The following C2orf76 variants were observed in gnomAD, a reference collection of about 807,000 sequenced individuals.
C2orf76 encodes chromosome 2 open reading frame 76, also known as UPF0538 protein C2orf76.
A neutral mutation model predicts 16.9 loss-of-function variants in C2orf76; 23 were observed. That is an observed-to-expected ratio of 1.36 (90% CI 0.98 to 1.93). C2orf76 has a LOEUF of 1.93. Among genes scored for constraint, C2orf76 ranks in the 30% most tolerant of loss-of-function variants. C2orf76 has a pLI of 0.00. For missense variants in C2orf76, 152 were observed against 152.6 expected (o/e 1.00, Z 0.02); for synonymous variants, 48 against 52.3 (o/e 0.92, Z 0.35).
intron 1 of C2orf76, among the ~76,000 whole-genome samples, chr2:119,351,362 G>A (rs931382889): frequency 3.3e-5 from 5 of 152,080 alleles, no homozygotes; most frequent in African/African-American, 1.2e-4. Context: ...ATTTTAAATA[G>A]CAGAATCACC....
At chr2:119,330,286 A>T (rs1031992896) in intron 2 of C2orf76, among the ~76,000 whole-genome samples, 3 of 151,556 alleles carry the variant, frequency 2.0e-5, no homozygotes, top group Admixed American at 6.6e-5. Flanking sequence ...CTGAGGCAGG[A>T]GAATCGCTTG....
chr2:119,286,002 C>T, the C2orf76 span, among the ~76,000 whole-genome samples: 15 of 152,008 alleles, frequency 9.9e-5, no homozygotes, highest in East Asian at 2.3e-3. Context: ...CCAAGGCGGG[C>T]GGATCACGAG....
rs192742529 is a variant in C2orf76 at position 119,306,661 on chromosome 2, G to A, written c.305-4113C>T. Reference sequence around the variant, plus strand: ...TTACATGTAAATTTATTACTTAGGGGAATTAGCCCATAAAACTACAATTGC... The same window carrying A: ...TTACATGTAAATTTATTACTTAGGGAAATTAGCCCATAAAACTACAATTGC... On this transcript the variant is annotated intron_variant, in intron 5 of 5. Coordinates refer to ENST00000334816, the MANE Select transcript of C2orf76 (RefSeq NM_001322331.2). Among the ~76,000 whole-genome samples the A allele has an allele frequency of 2.0e-4, 30 of 152,148 alleles. No homozygotes were observed. In the East Asian group the frequency reaches 4.8e-3, roughly 25 times the overall value.
intron 1 of C2orf76, among the ~76,000 whole-genome samples, chr2:119,363,151 G>A (rs527342560): frequency 7.0e-4 from 107 of 152,098 alleles, no homozygotes; most frequent in Non-Finnish European, 9.6e-4. Context: ...TGGGCCAGGC[G>A]ACATGGCTCA....
chr2:119,334,462 G>A (rs896483719), intron 2 of C2orf76, among the ~76,000 whole-genome samples: 3 of 150,780 alleles, frequency 2.0e-5, no homozygotes, highest in Admixed American at 1.3e-4. Flanking sequence ...CGAGGCAGCG[G>A]ACTGCCTGAG....
At chr2:119,285,001 G>A in the C2orf76 span, among the ~76,000 whole-genome samples, 1 of 152,130 alleles carries the variant, frequency 6.6e-6, no homozygotes, top group Non-Finnish European at 1.5e-5. Flanking sequence ...TGTGTTCCAG[G>A]ATTGTGGCGG....
intron 1 of C2orf76, 169 bp downstream of exon 1, chr2:119,366,621 C>G: frequency 2.4e-6 from 1 of 422,498 alleles, no homozygotes; most frequent in Non-Finnish European, 4.7e-6. Flanking sequence ...CCGGCCTCTT[C>G]AGGCCGGGCA....
chr2:119,300,027 C>T (rs1678593108), downstream of C2orf76, among the ~76,000 whole-genome samples: 1 of 152,174 alleles, frequency 6.6e-6, no homozygotes, highest in African/African-American at 2.4e-5. Context: ...CTCAGGTCTC[C>T]ACTGGGAGGC....
intron 2 of C2orf76, among the ~76,000 whole-genome samples, chr2:119,321,664 G>C (rs1305312713): frequency 6.6e-6 from 1 of 152,150 alleles, no homozygotes; most frequent in African/African-American, 2.4e-5. Flanking sequence ...GAGCTACAAT[G>C]CAAGATGAGA....
intron 2 of C2orf76, among the ~76,000 whole-genome samples, chr2:119,335,264 AAAAG>A (rs1048865691): frequency 1.3e-5 from 2 of 152,240 alleles, no homozygotes; most frequent in East Asian, 1.9e-4. Context: ...TACCATAGAA[AAAAG>A]AAAGAAAGAA....
At chr2:119,351,530 C>T (rs972992121) in intron 1 of C2orf76, among the ~76,000 whole-genome samples, 7 of 152,070 alleles carry the variant, frequency 4.6e-5, no homozygotes, top group African/African-American at 1.7e-4. Context: ...GCGGGAGGAT[C>T]ACTTGAGCCC....
At chr2:119,340,630 A>G (rs1013218058) in intron 1 of C2orf76, among the ~76,000 whole-genome samples, 2 of 152,118 alleles carry the variant, frequency 1.3e-5, no homozygotes, top group Non-Finnish European at 2.9e-5. Flanking sequence ...ATTAAATGAG[A>G]TAACATTTTA....
intron 1 of C2orf76, among the ~76,000 whole-genome samples, chr2:119,347,296 A>G (rs1337478377): frequency 6.6e-6 from 1 of 152,230 alleles, no homozygotes; most frequent in African/African-American, 2.4e-5. Context: ...TTTCTTCAAC[A>G]AATGGCATGA....
intron 2 of C2orf76, among the ~76,000 whole-genome samples, chr2:119,329,531 T>C (rs1278509766): frequency 6.6e-6 from 1 of 152,226 alleles, no homozygotes; most frequent in Non-Finnish European, 1.5e-5. Context: ...TGCTATTCTT[T>C]TAAATTTGTT....
intron 1 of C2orf76, among the ~76,000 whole-genome samples, chr2:119,340,865 T>C (rs1040503023): frequency 2.0e-5 from 3 of 151,914 alleles, no homozygotes; most frequent in African/African-American, 7.3e-5. Flanking sequence ...CAATGTTTTT[T>C]TCATGCTTAA....
intron 1 of C2orf76, among the ~76,000 whole-genome samples, chr2:119,364,854 G>A (rs1242184606): frequency 6.6e-6 from 1 of 152,030 alleles, no homozygotes; most frequent in Admixed American, 6.5e-5. Flanking sequence ...CAAAGTGGGA[G>A]AATCCCTTGA....
At chr2:119,305,140 C>T (rs1278512674) in intron 5 of C2orf76, among the ~76,000 whole-genome samples, 2 of 152,180 alleles carry the variant, frequency 1.3e-5, no homozygotes, top group African/African-American at 4.8e-5. Context: ...TTCATCCCTT[C>T]GTCTTACTAT....
chr2:119,356,540 A>C (rs1224113607), intron 1 of C2orf76, among the ~76,000 whole-genome samples: 1 of 152,016 alleles, frequency 6.6e-6, no homozygotes, highest in African/African-American at 2.4e-5. Context: ...TAAATGCATA[A>C]ATTAAATGAG....
chr2:119,305,339 G>A (rs148367023), intron 5 of C2orf76, among the ~76,000 whole-genome samples: 19 of 152,126 alleles, frequency 1.2e-4, no homozygotes, highest in African/African-American at 4.3e-4. Context: ...TAATGATAAT[G>A]ACTTTAAATG....
Sources: allele counts gnomAD v4.1 joint callset (sites outside exome capture counted in the v4.1 genomes callset), GRCh38; gene constraint gnomAD v4.1.1; transcripts MANE v1.5; gene names NCBI Gene and HGNC (gene_info 2026-07-23, HGNC 2026-07-21).